HTR2C: variants seen among roughly 807,000 people sequenced by gnomAD.
HTR2C encodes 5-hydroxytryptamine receptor 2C, also known as 5-hydroxytryptamine (serotonin) receptor 2C, G protein-coupled.
In HTR2C, 5 loss-of-function variants were observed where a neutral mutation model predicts 21.0. The ratio of observed to expected loss-of-function variants is 0.24; its 90% CI spans 0.12 to 0.50. The LOEUF is 0.50. Ranked by LOEUF, HTR2C falls within the 20% of genes least tolerant of loss-of-function variation. The pLI is 0.98. For missense variants in HTR2C, 271 were observed against 371.2 expected (o/e 0.73, Z 2.22); for synonymous variants, 150 against 145.3 (o/e 1.03, Z -0.23).
intron 4 of HTR2C, among the ~76,000 whole-genome samples, chrX:114,811,300 T>A (rs971899357): frequency 4.5e-5 from 5 of 112,088 alleles, no homozygotes; most frequent in Admixed American, 9.4e-5. Context: ...CAGTCTTTTT[T>A]TTTTTTTCAT....
intron 2 of HTR2C, among the ~76,000 whole-genome samples, chrX:114,644,362 A>AATATATATATATATATATAT (rs782451317): frequency 2.6e-5 from 1 of 38,252 alleles, no homozygotes; most frequent in Non-Finnish European, 4.3e-5. Context: ...TAAATAAATA[A>AATATATATATATATATATAT]ATATATATAT....
At chrX:114,745,122 A>G (rs1398403399) in intron 4 of HTR2C, among the ~76,000 whole-genome samples, 1 of 112,455 alleles carries the variant, frequency 8.9e-6, no homozygotes, top group Non-Finnish European at 1.9e-5. Flanking sequence ...ACAACTCCAT[A>G]GAAAAAAGTC....
chrX:114,633,394 T>A (rs1929706246), intron 2 of HTR2C, among the ~76,000 whole-genome samples: 1 of 112,017 alleles, frequency 8.9e-6, no homozygotes, highest in Non-Finnish European at 1.9e-5. Context: ...AAGCAATTTG[T>A]CTAAAAAATG....
intron 4 of HTR2C, among the ~76,000 whole-genome samples, chrX:114,765,295 C>G (rs1006825956): frequency 4.5e-5 from 5 of 110,991 alleles, no homozygotes; most frequent in African/African-American, 1.6e-4. Flanking sequence ...TGCCAAGAGC[C>G]TTTTAACTGG....
intron 4 of HTR2C, among the ~76,000 whole-genome samples, chrX:114,757,631 C>T (rs1401991147): frequency 9.0e-6 from 1 of 111,677 alleles, no homozygotes; most frequent in Non-Finnish European, 1.9e-5. Flanking sequence ...CCAATAAAAA[C>T]TAAAATCTCT....
rs1362252670 is a variant in HTR2C at position 114,722,968 on chromosome X, A to G, written c.-79-3890A>G. Among the ~76,000 whole-genome samples the G allele has an allele frequency of 1.2e-3, 136 of 111,372 alleles. 1 individual carries two copies. Among genetic ancestry groups the G allele is most frequent in the African/African-American group, 4.3e-3 (132 of 30,669 alleles). ...CAATGTTCATCAAGGATATCGGTCT[A>G]AAATTCTCTTTTTTGGTTGTGTCTC... On this transcript the variant is annotated intron_variant, in intron 2 of 5. Transcript: ENST00000276198.
intron 4 of HTR2C, among the ~76,000 whole-genome samples, chrX:114,746,199 G>GA (rs1301555138): frequency 9.9e-5 from 11 of 110,864 alleles, no homozygotes; most frequent in Non-Finnish European, 1.5e-4. Context: ...ATTTCGGGAA[G>GA]AAAAAAATAA....
intron 2 of HTR2C, among the ~76,000 whole-genome samples, chrX:114,675,875 C>CTT (rs1232049383): frequency 1.0e-5 from 1 of 98,524 alleles, no homozygotes; most frequent in African/African-American, 3.7e-5. Flanking sequence ...TTTCTTTTTT[C>CTT]TTTTTTTTTT....
At chrX:114,640,864 C>CTCTT (rs782605191) in intron 2 of HTR2C, among the ~76,000 whole-genome samples, 21 of 108,705 alleles carry the variant, frequency 1.9e-4, no homozygotes, top group East Asian at 1.2e-3. Flanking sequence ...TTGTTTCGTT[C>CTCTT]TCTTTCTTTC....
At chrX:114,727,975 T>G (rs781877648) in intron 3 of HTR2C, among the ~76,000 whole-genome samples, 1 of 111,790 alleles carries the variant, frequency 8.9e-6, no homozygotes, top group South Asian at 3.7e-4. Context: ...CTGTGCCAAC[T>G]TAGTATATAG....
At chrX:114,698,026 G>T (rs990790613) in intron 2 of HTR2C, among the ~76,000 whole-genome samples, 4 of 111,734 alleles carry the variant, frequency 3.6e-5, no homozygotes, top group African/African-American at 1.3e-4. Context: ...AGGGTTGTAG[G>T]ACTGAGGTCC....
chrX:114,658,979 A>G (rs1223142100), intron 2 of HTR2C, among the ~76,000 whole-genome samples: 1 of 111,913 alleles, frequency 8.9e-6, no homozygotes, highest in East Asian at 2.8e-4. Flanking sequence ...GGTAATTTAT[A>G]AAGGAGAGAG....
At chrX:114,862,804 A>G (rs2147502789) in intron 5 of HTR2C, among the ~76,000 whole-genome samples, 1 of 110,995 alleles carries the variant, frequency 9.0e-6, no homozygotes, top group African/African-American at 3.3e-5. Context: ...AATATACAAT[A>G]GGTTATTGTT....
chrX:114,720,534 A>C (rs1432170212), intron 2 of HTR2C, among the ~76,000 whole-genome samples: 1 of 100,330 alleles, frequency 1.0e-5, no homozygotes, highest in African/African-American at 3.6e-5. Context: ...TTTTAATTAT[A>C]CTTTAAGTTT....
At chrX:114,611,785 C>T (rs1928746598) in intron 1 of HTR2C, among the ~76,000 whole-genome samples, 1 of 111,717 alleles carries the variant, frequency 9.0e-6, no homozygotes, top group Non-Finnish European at 1.9e-5. Context: ...GCAAACTCCG[C>T]CTCCCGGGTT....
intron 5 of HTR2C, among the ~76,000 whole-genome samples, chrX:114,887,100 A>AC (rs1556481770): frequency 8.9e-6 from 1 of 112,248 alleles, no homozygotes; most frequent in Non-Finnish European, 1.9e-5. Context: ...TAAAGGAAAA[A>AC]ATCAGACGGA....
At chrX:114,642,919 A>G (rs1483826763) in intron 2 of HTR2C, among the ~76,000 whole-genome samples, 3 of 111,769 alleles carry the variant, frequency 2.7e-5, no homozygotes, top group African/African-American at 9.7e-5. Context: ...GCCCCCAATG[A>G]TTTTATAATT....
intron 4 of HTR2C, among the ~76,000 whole-genome samples, chrX:114,765,540 G>A (rs1211177214): frequency 2.7e-5 from 3 of 110,538 alleles, no homozygotes; most frequent in African/African-American, 9.9e-5. Context: ...CTCCCAGCTA[G>A]CCAGAGTGCT....
intron 4 of HTR2C, among the ~76,000 whole-genome samples, chrX:114,769,108 G>A (rs2069974487): frequency 1.8e-5 from 2 of 110,825 alleles, no homozygotes. Context: ...AAATAAAAAA[G>A]TAGTGAAACA....
Sources: allele counts gnomAD v4.1 joint callset (sites outside exome capture counted in the v4.1 genomes callset), GRCh38; gene constraint gnomAD v4.1.1; transcripts MANE v1.5; gene names NCBI Gene and HGNC (gene_info 2026-07-23, HGNC 2026-07-21).